The following TUSC3 variants were observed in gnomAD, a reference collection of about 807,000 sequenced individuals.
The protein encoded by TUSC3 is tumor suppressor candidate 3.
Under a neutral mutation model 44.8 loss-of-function variants are expected in TUSC3, and 45 were observed. The ratio of observed to expected loss-of-function variants is 1.00; its 90% CI spans 0.79 to 1.29. The LOEUF (loss-of-function observed/expected upper bound fraction) is 1.29. Among genes scored for constraint, TUSC3 ranks in the 50% most tolerant of loss-of-function variants. The pLI, the probability that TUSC3 is intolerant of heterozygous loss-of-function variation, is 0.00. For missense variants in TUSC3, 519 were observed against 437.9 expected, an observed-to-expected ratio of 1.19 and a Z score of -1.65; for synonymous variants, 212 against 152.9, an observed-to-expected ratio of 1.39 and a Z score of -2.85.
intron 6 of TUSC3, among the ~76,000 whole-genome samples, chr8:15,706,131 C>G (rs538784506): frequency 6.6e-6 from 1 of 151,992 alleles, no homozygotes; most frequent in South Asian, 2.1e-4. Context: ...TGTCTCAGTA[C>G]TTCTGATGTA....
rs147433721 is a variant in TUSC3, at chr8:15,724,495, A to G, written c.799-6171A>G. ...GCAAGGCAACCCTTTGACTTCTTAG[A>G]AGTGTTGTCAAGGAAAATACAAGAT... is the stretch of plus-strand genomic sequence containing the variant. On this transcript the variant is annotated intron_variant, in intron 6 of 10. Coordinates refer to ENST00000503731, the MANE Select transcript of TUSC3 (RefSeq NM_006765.4). Among the ~76,000 whole-genome samples, 573 of 152,280 alleles carry G rather than the reference A, an allele frequency of 3.8e-3. 3 individuals are homozygous for G. Among genetic ancestry groups the G allele is most frequent in the African/African-American group, 0.013 (526 of 41,568 alleles).
the TUSC3 span, among the ~76,000 whole-genome samples, chr8:15,829,907 A>T: frequency 1.6e-4 from 24 of 152,214 alleles, no homozygotes; most frequent in South Asian, 5.0e-3. Flanking sequence ...TTATATTCCC[A>T]CCAGCAGTGT....
At chr8:15,818,680 G>A in the TUSC3 span, among the ~76,000 whole-genome samples, 345 of 152,304 alleles carry the variant, frequency 2.3e-3, 2 homozygotes, top group Middle Eastern at 3.4e-3. Flanking sequence ...TTTTACAAAT[G>A]AAGGACAATC....
the TUSC3 span, among the ~76,000 whole-genome samples, chr8:15,848,926 C>T: frequency 3.3e-5 from 5 of 152,122 alleles, no homozygotes; most frequent in Non-Finnish European, 7.4e-5. Context: ...GTAGTACTTG[C>T]TTTTATTACA....
At chr8:15,485,224 G>GT (rs1800718277) in intron 2 of TUSC3, among the ~76,000 whole-genome samples, 2 of 152,166 alleles carry the variant, frequency 1.3e-5, no homozygotes. Context: ...TGCACTTCTA[G>GT]TTTTTCAGAC....
intron 1 of TUSC3, among the ~76,000 whole-genome samples, chr8:15,602,636 C>A (rs1804335402): frequency 6.7e-6 from 1 of 149,580 alleles, no homozygotes; most frequent in African/African-American, 2.5e-5. Context: ...GGTGCTCTCT[C>A]TTTGGGGTTG....
At chr8:15,799,150 C>A in the TUSC3 span, among the ~76,000 whole-genome samples, 1 of 152,128 alleles carries the variant, frequency 6.6e-6, no homozygotes, top group Admixed American at 6.5e-5. Context: ...CACTCTAAGT[C>A]CGTGTAGGGT....
chr8:15,754,133 C>T (rs891734146), intron 9 of TUSC3, among the ~76,000 whole-genome samples: 2 of 152,052 alleles, frequency 1.3e-5, no homozygotes, highest in East Asian at 1.9e-4. Flanking sequence ...CTGTAGAAAA[C>T]GAGAGAATGA....
downstream of TUSC3, among the ~76,000 whole-genome samples, chr8:15,770,967 AT>A (rs1295082053): frequency 2.0e-5 from 3 of 152,218 alleles, no homozygotes; most frequent in African/African-American, 7.2e-5. Context: ...ACCAAGACAC[AT>A]TAAAATAAAA....
chr8:15,593,538 A>G (rs1390573962), intron 1 of TUSC3, among the ~76,000 whole-genome samples: 1 of 152,106 alleles, frequency 6.6e-6, no homozygotes, highest in African/African-American at 2.4e-5. Context: ...TTCTGAGTTC[A>G]TTGTTATTTT....
At chr8:15,693,974 G>T (rs1189344330) in intron 6 of TUSC3, among the ~76,000 whole-genome samples, 3 of 151,932 alleles carry the variant, frequency 2.0e-5, no homozygotes, top group Non-Finnish European at 4.4e-5. Flanking sequence ...GAGTTTTTCA[G>T]CTCTATCAGC....
Position 15,758,025 on chromosome 8 carries a change from C to T in TUSC3, c.*46+170C>T, listed in dbSNP as rs541412892. The T allele has an allele frequency of 7.6e-5, 107 of 1,412,780 alleles. No homozygotes were observed. The African/African-American group carries it at 1.4e-3, about 18-fold the overall frequency. 87.5% of individuals were successfully genotyped at this position (1,412,780 alleles called of 1,614,324 possible). On this transcript the variant is annotated intron_variant, in intron 10 of 10. Coordinates refer to ENST00000503731, the MANE Select transcript of TUSC3 (RefSeq NM_006765.4). ...GTCTTACATTATTATGTTTATCTGCCACAGGGAGAAGTCCTCAGATAAAAA... is the reference window on the plus strand; with the variant it reads ...GTCTTACATTATTATGTTTATCTGCTACAGGGAGAAGTCCTCAGATAAAAA...
the TUSC3 span, among the ~76,000 whole-genome samples, chr8:15,774,752 T>A: frequency 6.6e-6 from 1 of 151,842 alleles, no homozygotes; most frequent in Non-Finnish European, 1.5e-5. Flanking sequence ...ACTCCGAAAA[T>A]GCAAATCAAA....
intron 3 of TUSC3, among the ~76,000 whole-genome samples, chr8:15,654,687 C>T (rs1412029974): frequency 1.3e-5 from 2 of 152,068 alleles, no homozygotes; most frequent in African/African-American, 4.8e-5. Flanking sequence ...ATCCCAGCTA[C>T]TGGGGAGGCT....
the TUSC3 span, among the ~76,000 whole-genome samples, chr8:15,789,199 G>A: frequency 0.17 from 26,160 of 152,012 alleles, 2,257 homozygotes; most frequent in South Asian, 0.24. Flanking sequence ...GCATTCCACC[G>A]AGGCGGCTCA....
intron 2 of TUSC3, among the ~76,000 whole-genome samples, chr8:15,526,003 G>T (rs1375823934): frequency 6.6e-6 from 1 of 151,970 alleles, no homozygotes; most frequent in Non-Finnish European, 1.5e-5. Flanking sequence ...GTGGTAGTAG[G>T]GTGATATAAA....
the TUSC3 span, among the ~76,000 whole-genome samples, chr8:15,843,849 G>T: frequency 2.0e-5 from 3 of 151,982 alleles, no homozygotes; most frequent in African/African-American, 7.3e-5. Context: ...AGTAAGATCT[G>T]TCCTGAACTG....
chr8:15,501,623 C>T (rs1330100432), intron 2 of TUSC3, among the ~76,000 whole-genome samples: 1 of 152,170 alleles, frequency 6.6e-6, no homozygotes, highest in South Asian at 2.1e-4. Context: ...TGGCAATGGG[C>T]TTAACCTGAC....
At chr8:15,450,426 C>T (rs1800181333) in intron 1 of TUSC3, among the ~76,000 whole-genome samples, 1 of 152,136 alleles carries the variant, frequency 6.6e-6, no homozygotes, top group African/African-American at 2.4e-5. Context: ...CGGCTAACAC[C>T]TGTAATCCCA....
Sources: allele counts gnomAD v4.1 joint callset (sites outside exome capture counted in the v4.1 genomes callset), GRCh38; gene constraint gnomAD v4.1.1; transcripts MANE v1.5; gene names NCBI Gene and HGNC (gene_info 2026-07-23, HGNC 2026-07-21).